The following SYNE1 variants were observed in gnomAD, a reference collection of about 807,000 sequenced individuals.
SYNE1 encodes the protein spectrin repeat containing nuclear envelope protein 1.
SYNE1 carries 616 observed loss-of-function variants against 1,111.0 expected under a neutral mutation model. The observed-to-expected ratio is 0.55, with a 90% CI of 0.52 to 0.59. SYNE1 has a LOEUF of 0.59. SYNE1 is among the 20% of genes least tolerant of loss of function. SYNE1 has a pLI of 0.00. For missense variants in SYNE1, 10,006 were observed against 10,417.0 expected, an observed-to-expected ratio of 0.96 and a Z score of 1.72; for synonymous variants, 3,855 against 3,825.8, an observed-to-expected ratio of 1.01 and a Z score of -0.28.
At chr6:152,614,121 C>G (rs1336520353) in intron 3 of SYNE1, among the ~76,000 whole-genome samples, 1 of 152,090 alleles carries the variant, frequency 6.6e-6, no homozygotes, top group South Asian at 2.1e-4. Context: ...GCAACAAAAG[C>G]CAAAATAGAC....
intron 3 of SYNE1, among the ~76,000 whole-genome samples, chr6:152,541,348 T>C (rs2099268537): frequency 6.6e-6 from 1 of 152,184 alleles, no homozygotes; most frequent in Non-Finnish European, 1.5e-5. Flanking sequence ...CTTTCACCTC[T>C]TTAGTTAGAT....
intron 93 of SYNE1, 55 bp from the exon 94 acceptor site, chr6:152,294,182 T>A: frequency 6.3e-7 from 1 of 1,580,914 alleles, no homozygotes; most frequent in Non-Finnish European, 8.6e-7. Context: ...TCTAGATTAA[T>A]ATGCTCTGGG....
chr6:152,354,895 T>C lies in SYNE1; in HGVS notation c.10690A>G (p.Ile3564Val), dbSNP rs2096806842. 1 of 1,614,174 alleles carries C rather than the reference T, an allele frequency of 6.2e-7. No individual in the cohort carries two copies. Among genetic ancestry groups the C allele is most frequent in the South Asian group, 1.1e-5 (1 of 91,080 alleles). ...HTREDVIPSG[I>V]PQAEDRALES... ...AAAGCCCGGTCCTCTGCCTGTGGGA[T>C]ACCTGATGGGATCACATCCTCTCTG... Residue 3564 changes from isoleucine (I) to valine (V), a missense_variant, in exon 67 of 146, where the codon ATC becomes GTC. By Grantham distance (29) the Ile-to-Val change is conservative (BLOSUM62 3). Transcript: ENST00000367255.
intron 3 of SYNE1, among the ~76,000 whole-genome samples, chr6:152,576,264 G>C (rs954331016): frequency 8.5e-5 from 13 of 152,266 alleles, no homozygotes; most frequent in Middle Eastern, 3.4e-3. Context: ...ACTACAGATT[G>C]GGAATAAGGA....
intron 14 of SYNE1, among the ~76,000 whole-genome samples, chr6:152,477,764 A>G (rs2098843789): frequency 6.6e-6 from 1 of 152,134 alleles, no homozygotes; most frequent in Non-Finnish European, 1.5e-5. Flanking sequence ...TATTTGTTGA[A>G]AGAATAGGGA....
At chr6:152,422,473 C>A (rs2098279178) in intron 39 of SYNE1, among the ~76,000 whole-genome samples, 1 of 151,922 alleles carries the variant, frequency 6.6e-6, no homozygotes, top group African/African-American at 2.4e-5. Context: ...TTTTCCACTC[C>A]TTTGTCTATC....
At chr6:152,438,783 G>T (rs1468500022) in intron 32 of SYNE1, among the ~76,000 whole-genome samples, 2 of 152,144 alleles carry the variant, frequency 1.3e-5, no homozygotes, top group African/African-American at 4.8e-5. Context: ...CTATCAACTT[G>T]AATAAAGGTT....
At chr6:152,171,825 G>C (rs963090907) in intron 130 of SYNE1, among the ~76,000 whole-genome samples, 1 of 152,070 alleles carries the variant, frequency 6.6e-6, no homozygotes, top group Non-Finnish European at 1.5e-5. Flanking sequence ...ATTTTTCTAT[G>C]GCTGCTTTCA....
At chr6:152,273,729 T>C (rs962090890) in intron 98 of SYNE1, among the ~76,000 whole-genome samples, 3 of 152,240 alleles carry the variant, frequency 2.0e-5, no homozygotes, top group Admixed American at 2.0e-4. Flanking sequence ...GCAATGCCAC[T>C]TGTAAATTCT....
intron 3 of SYNE1, among the ~76,000 whole-genome samples, chr6:152,590,615 G>T (rs1288992764): frequency 2.0e-5 from 3 of 152,108 alleles, no homozygotes; most frequent in African/African-American, 7.2e-5. Flanking sequence ...TTGTGGGTGT[G>T]GTTCTGGCTT....
intron 27 of SYNE1, among the ~76,000 whole-genome samples, chr6:152,450,104 T>A (rs1167382113): frequency 6.6e-6 from 1 of 152,210 alleles, no homozygotes; most frequent in Non-Finnish European, 1.5e-5. Context: ...AATTGAATCA[T>A]GGGGGCAGTT....
chr6:152,310,653 AT>A (rs763417410), intron 88 of SYNE1, 34 bp downstream of exon 88: 1 of 1,609,106 alleles, frequency 6.2e-7, no homozygotes, highest in South Asian at 1.1e-5. Context: ...AATGATAGAC[AT>A]TTTTTTCTGT....
intron 2 of SYNE1, among the ~76,000 whole-genome samples, chr6:152,632,106 T>C (rs2099698871): frequency 6.6e-6 from 1 of 152,182 alleles, no homozygotes; most frequent in Non-Finnish European, 1.5e-5. Flanking sequence ...CTTTCACTAC[T>C]GCTAGTCTTA....
At chr6:152,570,867 C>A (rs1053055482) in intron 3 of SYNE1, among the ~76,000 whole-genome samples, 10 of 152,062 alleles carry the variant, frequency 6.6e-5, no homozygotes, top group African/African-American at 2.4e-4. Context: ...CTACTCACAG[C>A]AATAAGTAAG....
chr6:152,484,758 T>C (rs1390384594), intron 13 of SYNE1, 77 bp downstream of exon 13: 11 of 1,504,498 alleles, frequency 7.3e-6, no homozygotes, highest in Admixed American at 1.7e-5. Flanking sequence ...GCCATACCAC[T>C]GTGTAGAAAT....
intron 30 of SYNE1, among the ~76,000 whole-genome samples, chr6:152,443,817 T>C (rs1019592279): frequency 6.6e-6 from 1 of 152,222 alleles, no homozygotes; most frequent in Non-Finnish European, 1.5e-5. Flanking sequence ...ATATTCCTTT[T>C]ATGCAAACAT....
At chr6:152,628,594 A>T in intron 2 of SYNE1, 40 bp from the exon 3 acceptor site, 1 of 493,892 alleles carries the variant, frequency 2.0e-6, no homozygotes, top group Non-Finnish European at 3.6e-6. Flanking sequence ...TAAAAAAAAA[A>T]TCTACGAAGG....
intron 128 of SYNE1, 45 bp from the exon 129 acceptor site, chr6:152,180,339 A>G (rs778201436): frequency 4.9e-5 from 77 of 1,586,218 alleles, no homozygotes; most frequent in Non-Finnish European, 6.7e-5. Flanking sequence ...ATTATCAGAG[A>G]GAAGACCACA....
At chr6:152,548,836 A>C (rs142753681) in intron 3 of SYNE1, among the ~76,000 whole-genome samples, 1 of 152,250 alleles carries the variant, frequency 6.6e-6, no homozygotes, top group East Asian at 1.9e-4. Flanking sequence ...TTCCCCTTGA[A>C]TCTGAACTCG....
Sources: allele counts gnomAD v4.1 joint callset (sites outside exome capture counted in the v4.1 genomes callset), GRCh38; gene constraint gnomAD v4.1.1; transcripts MANE v1.5; gene names NCBI Gene and HGNC (gene_info 2026-07-23, HGNC 2026-07-21).